NTM: variants seen among roughly 807,000 people sequenced by gnomAD.
The protein encoded by NTM is IgLON family member 2.
NTM carries 13 observed loss-of-function variants against 42.1 expected under a neutral mutation model. The observed-to-expected ratio is 0.31, with a 90% CI of 0.20 to 0.49. The LOEUF is 0.49. NTM is among the 20% of genes least tolerant of loss of function. The pLI is 0.99. For missense variants in NTM, 373 were observed against 452.8 expected (o/e 0.82, Z 1.60); for synonymous variants, 187 against 179.2 (o/e 1.04, Z -0.35).
chr11:131,977,481 T>C (rs1042048209), intron 2 of NTM, among the ~76,000 whole-genome samples: 2 of 152,202 alleles, frequency 1.3e-5, no homozygotes, highest in African/African-American at 4.8e-5. Flanking sequence ...CCCTAGGCAA[T>C]AGAAGTTACA....
intron 2 of NTM, among the ~76,000 whole-genome samples, chr11:132,123,164 A>G (rs548317909): frequency 1.1e-3 from 162 of 152,226 alleles, no homozygotes; most frequent in Non-Finnish European, 1.9e-3. Context: ...GAGGGTCAGA[A>G]CTGTGAGGGA....
chr11:131,789,693 TCG>T (rs979411743), intron 1 of NTM, among the ~76,000 whole-genome samples: 1 of 128,142 alleles, frequency 7.8e-6, no homozygotes, highest in African/African-American at 2.6e-5. Flanking sequence ...GCGGTGGCTC[TCG>T]CCTGTAATCC....
intron 1 of NTM, among the ~76,000 whole-genome samples, chr11:131,815,962 G>T (rs1175259804): frequency 6.6e-6 from 1 of 152,172 alleles, no homozygotes; most frequent in African/African-American, 2.4e-5. Context: ...TGGAGATGGG[G>T]AGAGAGATGG....
chr11:131,873,494 G>A (rs569928825), intron 1 of NTM, among the ~76,000 whole-genome samples: 9 of 150,122 alleles, frequency 6.0e-5, no homozygotes, highest in East Asian at 3.9e-4. Flanking sequence ...AAACCTGCAC[G>A]TTCTGCACAT....
At chr11:131,790,886 A>G (rs114455841) in intron 1 of NTM, among the ~76,000 whole-genome samples, 3,192 of 152,276 alleles carry the variant, frequency 0.021, 118 homozygotes, top group African/African-American at 0.072. Context: ...CTGCACTGCA[A>G]AGTTTGTTTT....
In NTM at chr11:131,372,568, C is replaced by G. The variant is rs80244623; in HGVS notation, c.82+1680C>G. 2.7e-3 allele frequency among the ~76,000 whole-genome samples: 417 copies of G among 151,682 alleles called. 3 individuals carry two copies. The highest frequency in any genetic ancestry group is 9.6e-3 in the African/African-American group (395 of 41,314). On this transcript the variant is annotated intron_variant, in intron 1 of 8. Coordinates refer to ENST00000683400, the MANE Select transcript of NTM (RefSeq NM_001352005.2). ...AAGCAGTTTCTGTGGGGGTTGACAG[C>G]AAAAATGAAAACTAAGCAGGCAAGG...
intron 1 of NTM, among the ~76,000 whole-genome samples, chr11:131,551,703 G>A (rs2054691792): frequency 6.6e-6 from 1 of 152,136 alleles, no homozygotes; most frequent in African/African-American, 2.4e-5. Flanking sequence ...GCTTTCTTCT[G>A]CCCTTGAGAG....
At chr11:131,707,517 G>A (rs2076710992) in intron 1 of NTM, among the ~76,000 whole-genome samples, 1 of 152,008 alleles carries the variant, frequency 6.6e-6, no homozygotes, top group South Asian at 2.1e-4. Flanking sequence ...TCCCAGAAGT[G>A]GAATTGGTGG....
intron 1 of NTM, among the ~76,000 whole-genome samples, chr11:131,415,482 C>T (rs1416980199): frequency 6.6e-6 from 1 of 152,158 alleles, no homozygotes; most frequent in Admixed American, 6.5e-5. Context: ...AATCATATAC[C>T]ACATTATTAA....
intron 1 of NTM, among the ~76,000 whole-genome samples, chr11:131,492,181 AT>A (rs1954871799): frequency 6.6e-6 from 1 of 152,190 alleles, no homozygotes. Flanking sequence ...TTATCAAGCA[AT>A]TTTACATACA....
At chr11:132,294,120 A>G (rs571565712) in intron 4 of NTM, among the ~76,000 whole-genome samples, 7 of 152,288 alleles carry the variant, frequency 4.6e-5, no homozygotes, top group Non-Finnish European at 8.8e-5. Flanking sequence ...AGGTGTCACT[A>G]TGACTTCGAG....
intron 4 of NTM, among the ~76,000 whole-genome samples, chr11:132,275,747 T>TAC (rs1565363262): frequency 4.8e-4 from 29 of 60,262 alleles, no homozygotes; most frequent in African/African-American, 2.4e-3. Context: ...TATATATATA[T>TAC]GTGTATATAT....
chr11:132,075,254 T>C (rs1340313126), intron 2 of NTM, among the ~76,000 whole-genome samples: 1 of 152,180 alleles, frequency 6.6e-6, no homozygotes, highest in Non-Finnish European at 1.5e-5. Flanking sequence ...CTGTACAACA[T>C]TGTACCTCTG....
intron 1 of NTM, among the ~76,000 whole-genome samples, chr11:131,817,751 T>C (rs2093009017): frequency 6.6e-6 from 1 of 152,234 alleles, no homozygotes; most frequent in Non-Finnish European, 1.5e-5. Flanking sequence ...TGACACATTG[T>C]CCAGCACCGT....
intron 1 of NTM, among the ~76,000 whole-genome samples, chr11:131,413,143 G>A (rs1946596465): frequency 6.6e-6 from 1 of 152,142 alleles, no homozygotes; most frequent in African/African-American, 2.4e-5. Flanking sequence ...TTCTTTCAAA[G>A]GATAGAGTCA....
chr11:131,503,664 A>G (rs575875644), intron 1 of NTM, among the ~76,000 whole-genome samples: 11 of 149,116 alleles, frequency 7.4e-5, no homozygotes, highest in African/African-American at 2.7e-4. Context: ...CTGGGACCAC[A>G]GGCACACTCC....
At chr11:131,781,480 T>G (rs1374873511) in intron 1 of NTM, among the ~76,000 whole-genome samples, 2 of 152,124 alleles carry the variant, frequency 1.3e-5, no homozygotes, top group African/African-American at 4.8e-5. Flanking sequence ...TGATAATATA[T>G]GAACTCAACT....
At chr11:131,706,050 AT>A in intron 1 of NTM, among the ~76,000 whole-genome samples, 1 of 152,230 alleles carries the variant, frequency 6.6e-6, no homozygotes, top group Non-Finnish European at 1.5e-5. Context: ...GACTGAACAA[AT>A]TATAAAAGAA....
chr11:131,399,759 G>A (rs1281288452), intron 1 of NTM, among the ~76,000 whole-genome samples: 2 of 152,154 alleles, frequency 1.3e-5, no homozygotes, highest in Non-Finnish European at 2.9e-5. Flanking sequence ...AAAGCACAAT[G>A]TAGGACTCTT....
Sources: gnomAD v4.1 joint callset for allele counts (sites outside exome capture counted in the v4.1 genomes callset) on GRCh38, gnomAD v4.1.1 for gene constraint, MANE v1.5 for transcripts, NCBI Gene and HGNC (gene_info 2026-07-23, HGNC 2026-07-21) for gene names.